Variants in PDCD6IP observed in about 807,000 individuals in gnomAD.
PDCD6IP encodes programmed cell death 6-interacting protein.
Under a neutral mutation model 103.7 loss-of-function variants are expected in PDCD6IP, and 43 were observed. That is an observed-to-expected ratio of 0.41 (90% confidence interval 0.32 to 0.53). The LOEUF (loss-of-function observed/expected upper bound fraction) is 0.53, where lower values mean the gene tolerates loss of function less well. PDCD6IP is among the 20% of genes least tolerant of loss of function. The pLI is 0.16. For synonymous variants in PDCD6IP, 354 were observed against 378.7 expected, an observed-to-expected ratio of 0.93 and a Z score of 0.76; for missense variants, 871 against 1,036.7, an observed-to-expected ratio of 0.84 and a Z score of 2.20.
intron 13 of PDCD6IP, 99 bp downstream of exon 13, chr3:33,852,835 A>T: frequency 7.3e-7 from 1 of 1,374,370 alleles, no homozygotes; most frequent in Non-Finnish European, 9.6e-7. Context: ...ACATTGGAGA[A>T]TATCTGTAGT....
chr3:33,813,788 T>C (rs1226028009), intron 3 of PDCD6IP, among the ~76,000 whole-genome samples, 160 bp downstream of exon 3: 1 of 152,214 alleles, frequency 6.6e-6, no homozygotes, highest in Non-Finnish European at 1.5e-5. Flanking sequence ...TTTGAAATAT[T>C]TGTAGAGAGC....
chr3:33,802,591 A>G (rs1000797024), intron 1 of PDCD6IP, among the ~76,000 whole-genome samples: 3 of 151,658 alleles, frequency 2.0e-5, no homozygotes, highest in African/African-American at 7.3e-5. Context: ...TCGGGTTCAA[A>G]CGATTCTCCT....
In PDCD6IP at chr3:33,854,221, C is replaced by T. The variant is rs139487771; in HGVS notation, c.2025+208C>T. ...CATGGGAACTTTGAAGAATGAATTGCATATTTCAACTGGCAGAAAAGGGGT... is the reference window on the plus strand; with the variant it reads ...CATGGGAACTTTGAAGAATGAATTGTATATTTCAACTGGCAGAAAAGGGGT... On this transcript the variant is annotated intron_variant, in intron 14 of 17. Coordinates refer to ENST00000307296, the MANE Select transcript of PDCD6IP (RefSeq NM_013374.6). Among the ~76,000 whole-genome samples the T allele has an allele frequency of 1.5e-3, 224 of 152,278 alleles. 1 individual carries two copies. The highest frequency in any genetic ancestry group is 7.1e-3 in the South Asian group (34 of 4,822).
At chr3:33,843,579 C>G (rs1332048750) in intron 10 of PDCD6IP, among the ~76,000 whole-genome samples, 1 of 152,188 alleles carries the variant, frequency 6.6e-6, no homozygotes, top group Non-Finnish European at 1.5e-5. Flanking sequence ...TTGTCCTAAG[C>G]TATCAGGGAT....
chr3:33,816,221 G>T (rs563727201), intron 3 of PDCD6IP, among the ~76,000 whole-genome samples: 1 of 152,020 alleles, frequency 6.6e-6, no homozygotes, highest in Non-Finnish European at 1.5e-5. Flanking sequence ...AAATATCTCC[G>T]GGTGGCCGGG....
At chr3:33,798,987 C>T in intron 1 of PDCD6IP, 50 bp downstream of exon 1, 1 of 1,424,776 alleles carries the variant, frequency 7.0e-7, no homozygotes, top group Non-Finnish European at 9.5e-7. Context: ...CGTCGCTCGC[C>T]GCTCCTCTTC....
chr3:33,858,916 G>A (rs1405711751), intron 15 of PDCD6IP, among the ~76,000 whole-genome samples: 6 of 152,088 alleles, frequency 3.9e-5, no homozygotes, highest in Non-Finnish European at 5.9e-5. Context: ...AAAAAAATCA[G>A]CAGCTTTTCA....
chr3:33,853,698 TTTAC>T (rs1697767357), intron 13 of PDCD6IP, among the ~76,000 whole-genome samples, 177 bp from the exon 14 acceptor site: 1 of 152,280 alleles, frequency 6.6e-6, no homozygotes, highest in African/African-American at 2.4e-5. Flanking sequence ...TTTTGAAATT[TTTAC>T]TTAAGAAAGA....
Position 33,855,239 on chromosome 3 carries a change from C to G in PDCD6IP, c.2099C>G (p.Thr700Arg). 1.2e-6 allele frequency: 2 copies of G among 1,602,936 alleles called. No homozygotes were observed. The highest frequency in any genetic ancestry group is 1.7e-6 in the Non-Finnish European group (2 of 1,170,114). The change falls in exon 15 of 18, where the codon ACA becomes AGA. Residue 700 changes from threonine to arginine, a missense_variant. This residue lies in a region of PDCD6IP where 266 missense variants were observed against 390.5 expected (regional missense o/e 0.68). Coordinates refer to ENST00000307296, the MANE Select transcript of PDCD6IP (RefSeq NM_013374.6). ...KCSDIVFARK[T>R]ERDELLKDLQ... ...AGTGATATAGTTTTTGCACGGAAGA[C>G]AGAAAGAGATGAACTCTTAAAGTAA...
chr3:33,835,299 C>G (rs1477431447), intron 7 of PDCD6IP: 1 of 456,708 alleles, frequency 2.2e-6, no homozygotes, highest in Non-Finnish European at 4.4e-6. Flanking sequence ...TTCCTGCCTT[C>G]ATGTGAAGGA....
rs535690498 is a variant in PDCD6IP at position 33,866,861 on chromosome 3, T to C, written c.*336T>C. ...AGACATGGTTGGGACATCAGATACT[T>C]ACAAAGATGGTTTAAGTATGGATAC... On this transcript the variant is annotated 3_prime_UTR_variant, in exon 18 of 18. Transcript: ENST00000307296. 4 of 194,420 alleles carry C rather than the reference T, an allele frequency of 2.1e-5. No homozygotes were observed. Among genetic ancestry groups the C allele is most frequent in the African/African-American group, 6.9e-5 (3 of 43,388 alleles). The allele number at this position is 194,420 out of a possible 1,614,324, so 12.0% of individuals were successfully genotyped here.
intron 12 of PDCD6IP, among the ~76,000 whole-genome samples, chr3:33,846,135 A>G (rs1346067377): frequency 1.3e-5 from 2 of 152,250 alleles, no homozygotes; most frequent in East Asian, 3.8e-4. Context: ...GTATAATTTA[A>G]TGACCTATCA....
At chr3:33,838,127 A>G in intron 8 of PDCD6IP, 77 bp from the exon 9 acceptor site, 1 of 1,311,908 alleles carries the variant, frequency 7.6e-7, no homozygotes, top group South Asian at 1.2e-5. Context: ...AATATTGGAA[A>G]GAAAATATAA....
intron 10 of PDCD6IP, among the ~76,000 whole-genome samples, chr3:33,843,254 A>G (rs1397910767): frequency 6.6e-6 from 1 of 152,052 alleles, no homozygotes; most frequent in Non-Finnish European, 1.5e-5. Context: ...CCTGTTTGGA[A>G]GTATACCAGT....
intron 7 of PDCD6IP, among the ~76,000 whole-genome samples, chr3:33,831,831 A>G (rs1402130915): frequency 2.0e-5 from 3 of 151,900 alleles, no homozygotes; most frequent in Admixed American, 6.6e-5. Flanking sequence ...TATGCTATTA[A>G]TATATACAGT....
In PDCD6IP at chr3:33,865,334, CTGGGACTG is replaced by C. The variant is rs1698039998; in HGVS notation, c.2337_2344del (p.Gly780CysfsTer40). The C allele has an allele frequency of 3.1e-6, 5 of 1,598,376 alleles. No homozygotes were observed. The African/African-American group carries it at 4.1e-5, about 13-fold the overall frequency. On this transcript the variant is annotated frameshift_variant, in exon 17 of 18. Coordinates refer to ENST00000307296, the MANE Select transcript of PDCD6IP (RefSeq NM_013374.6). LOFTEE classifies it high-confidence loss of function. ...GCTACTGCTCCATCTCCAGTGGGGGCTGGGACTGCTGCGCCAGCTCCATCACAAACGCC... is the reference window on the plus strand; with the variant it reads ...GCTACTGCTCCATCTCCAGTGGGGGCCTGCGCCAGCTCCATCACAAACGCC...
chr3:33,800,013 G>A (rs964067236), intron 1 of PDCD6IP, among the ~76,000 whole-genome samples: 55 of 151,326 alleles, frequency 3.6e-4, no homozygotes, highest in African/African-American at 1.2e-3. Context: ...CCAGCTACTC[G>A]GGAGGCTGAG....
At chr3:33,799,008 C>T (rs1007787796) in intron 1 of PDCD6IP, 71 bp downstream of exon 1, 21 of 1,344,036 alleles carry the variant, frequency 1.6e-5, no homozygotes, top group Admixed American at 9.1e-5. Context: ...CCGTCTCCCC[C>T]CTTCCTTCAA....
chr3:33,809,078 C>T (rs1165045316), intron 1 of PDCD6IP, among the ~76,000 whole-genome samples: 1 of 152,106 alleles, frequency 6.6e-6, no homozygotes, highest in East Asian at 1.9e-4. Context: ...AGTCAAATGA[C>T]CATGTTATTT....
Sources: allele counts gnomAD v4.1 joint callset (sites outside exome capture counted in the v4.1 genomes callset), GRCh38; gene constraint gnomAD v4.1.1; regional missense constraint gnomAD v4.1.1; transcripts MANE v1.5; gene names NCBI Gene and HGNC (gene_info 2026-07-23, HGNC 2026-07-21).